GRM7: variants seen among roughly 807,000 people sequenced by gnomAD.
The protein encoded by GRM7 is metabotropic glutamate receptor 7.
In GRM7, 35 loss-of-function variants were observed where a neutral mutation model predicts 84.5. That is an observed-to-expected ratio of 0.41 (90% CI 0.32 to 0.55). GRM7 has a LOEUF of 0.55. Ranked by LOEUF, GRM7 falls within the 20% of genes least tolerant of loss-of-function variation. The pLI is 0.19. For missense variants in GRM7, 1,003 were observed against 1,194.6 expected (o/e 0.84, Z 2.36); for synonymous variants, 487 against 455.1 (o/e 1.07, Z -0.89).
intron 2 of GRM7, among the ~76,000 whole-genome samples, chr3:7,186,417 G>A (rs1444649141): frequency 6.6e-6 from 1 of 152,148 alleles, no homozygotes; most frequent in East Asian, 1.9e-4. Context: ...TATGTTTCCT[G>A]TACAAGAACT....
chr3:7,489,239 T>C (rs115913157), intron 7 of GRM7, among the ~76,000 whole-genome samples: 1,728 of 152,312 alleles, frequency 0.011, 29 homozygotes, highest in African/African-American at 0.04. Flanking sequence ...TCTCTTCTTT[T>C]TCATTTTAAA....
At chr3:6,987,002 C>T (rs1694436840) in intron 1 of GRM7, among the ~76,000 whole-genome samples, 1 of 152,178 alleles carries the variant, frequency 6.6e-6, no homozygotes, top group Admixed American at 6.5e-5. Flanking sequence ...GCCTCTGTTA[C>T]TCAGTTAATT....
intron 2 of GRM7, among the ~76,000 whole-genome samples, chr3:7,225,121 A>G (rs1397514555): frequency 6.6e-6 from 1 of 152,048 alleles, no homozygotes; most frequent in African/African-American, 2.4e-5. Context: ...AAGGATATTG[A>G]AATATATGTC....
chr3:7,389,119 A>C (rs1432633993), intron 4 of GRM7, among the ~76,000 whole-genome samples: 1 of 151,998 alleles, frequency 6.6e-6, no homozygotes, highest in Non-Finnish European at 1.5e-5. Flanking sequence ...TCTCTGCCTT[A>C]ATTTCCTTGT....
intron 4 of GRM7, among the ~76,000 whole-genome samples, chr3:7,348,244 A>G (rs1237338681): frequency 6.6e-6 from 1 of 151,994 alleles, no homozygotes; most frequent in Non-Finnish European, 1.5e-5. Context: ...GTATCTTGAC[A>G]CTTTGATCTC....
chr3:7,714,464 C>T (rs1701705598), intron 9 of GRM7, among the ~76,000 whole-genome samples: 1 of 152,126 alleles, frequency 6.6e-6, no homozygotes, highest in Non-Finnish European at 1.5e-5. Flanking sequence ...TATTACCTTG[C>T]TACATTGAAT....
At chr3:7,167,388 A>C (rs1187498336) in intron 2 of GRM7, among the ~76,000 whole-genome samples, 7 of 152,146 alleles carry the variant, frequency 4.6e-5, no homozygotes, top group Non-Finnish European at 8.8e-5. Context: ...GTTTCCACAC[A>C]TCCCTGCATG....
chr3:7,675,121 G>A (rs1169915485), intron 8 of GRM7, among the ~76,000 whole-genome samples: 1 of 152,086 alleles, frequency 6.6e-6, no homozygotes, highest in Non-Finnish European at 1.5e-5. Context: ...CATTTTTATG[G>A]AATTATTAAA....
intron 3 of GRM7, among the ~76,000 whole-genome samples, chr3:7,301,674 T>G (rs1337444332): frequency 1.3e-5 from 2 of 152,034 alleles, no homozygotes; most frequent in Non-Finnish European, 2.9e-5. Context: ...TGGACTTGTT[T>G]GTGTGTTAAA....
At chr3:7,320,119 A>G (rs898091502) in intron 4 of GRM7, among the ~76,000 whole-genome samples, 15 of 152,006 alleles carry the variant, frequency 9.9e-5, no homozygotes, top group African/African-American at 3.6e-4. Context: ...CACTTCAAAG[A>G]ATTATGTATG....
At chr3:7,544,131 G>A (rs989882517) in intron 7 of GRM7, among the ~76,000 whole-genome samples, 1 of 152,166 alleles carries the variant, frequency 6.6e-6, no homozygotes, top group Non-Finnish European at 1.5e-5. Context: ...TCACGCTTAG[G>A]CGTAAATCAT....
chr3:7,426,116 T>TTC lies in GRM7; in HGVS notation c.1174+10954_1174+10955insCT, dbSNP rs1553592456. 1.9e-3 allele frequency among the ~76,000 whole-genome samples: 188 copies of TTC among 99,374 alleles called. 1 individual carries two copies. Among genetic ancestry groups the TTC allele is most frequent in the African/African-American group, 8.9e-3 (166 of 18,558 alleles). 65.2% of individuals were successfully genotyped at this position (99,374 alleles called of 152,430 possible). On this transcript the variant is annotated intron_variant, in intron 5 of 9. Transcript: ENST00000357716. ...ATACGTTCTTTCTTTCTTTCTTTCT[T>TTC]TTTCTTTTTCTTTTTTTTTTGAGAT...
intron 1 of GRM7, among the ~76,000 whole-genome samples, chr3:7,100,059 A>C (rs1428900348): frequency 6.6e-6 from 1 of 150,446 alleles, no homozygotes; most frequent in African/African-American, 2.4e-5. Flanking sequence ...TATAATATAT[A>C]TGTAATTTAC....
intron 2 of GRM7, among the ~76,000 whole-genome samples, chr3:7,294,283 GCT>G (rs1229366917): frequency 2.6e-5 from 4 of 152,154 alleles, no homozygotes; most frequent in Non-Finnish European, 4.4e-5. Flanking sequence ...CTGATGAGAA[GCT>G]GGGTTTCCAT....
At chr3:7,115,497 A>AG (rs1198478588) in intron 1 of GRM7, among the ~76,000 whole-genome samples, 1 of 152,178 alleles carries the variant, frequency 6.6e-6, no homozygotes, top group Admixed American at 6.6e-5. Context: ...ATATATAGAT[A>AG]GATGCTATAG....
chr3:6,934,853 C>T (rs149843772), intron 1 of GRM7, among the ~76,000 whole-genome samples: 76 of 152,098 alleles, frequency 5.0e-4, no homozygotes, highest in Non-Finnish European at 9.3e-4. Flanking sequence ...TTACATTATG[C>T]CCTGAGAAAA....
At chr3:7,516,476 CAAAAAAAA>C (rs34508559) in intron 7 of GRM7, among the ~76,000 whole-genome samples, 33 of 42,468 alleles carry the variant, frequency 7.8e-4, no homozygotes, top group South Asian at 4.3e-3. Flanking sequence ...GACTCCCTCT[CAAAAAAAA>C]AAAAAAAAAA....
chr3:7,324,298 T>C (rs1044157771), intron 4 of GRM7, among the ~76,000 whole-genome samples: 3 of 152,218 alleles, frequency 2.0e-5, no homozygotes, highest in African/African-American at 7.2e-5. Context: ...GTTAATGTCA[T>C]AGGTTCATTT....
intron 1 of GRM7, among the ~76,000 whole-genome samples, chr3:7,002,852 A>C (rs1695062678): frequency 6.6e-6 from 1 of 152,196 alleles, no homozygotes. Flanking sequence ...GTTTATCAAC[A>C]GATAAGTAGA....
Sources: allele counts gnomAD v4.1 joint callset (sites outside exome capture counted in the v4.1 genomes callset), GRCh38; gene constraint gnomAD v4.1.1; transcripts MANE v1.5; gene names NCBI Gene and HGNC (gene_info 2026-07-23, HGNC 2026-07-21).